Variants in SLC39A11 observed in about 807,000 individuals in gnomAD.
SLC39A11 encodes the protein solute carrier family 39 member 11.
Under a neutral mutation model 36.1 loss-of-function variants are expected in SLC39A11, and 33 were observed. The ratio of observed to expected loss-of-function variants is 0.91; its 90% confidence interval spans 0.69 to 1.22. The LOEUF is 1.22. Among genes scored for constraint, SLC39A11 ranks in the 50% most tolerant of loss-of-function variants. SLC39A11 has a pLI of 0.00. For synonymous variants in SLC39A11, 166 were observed against 170.3 expected, an observed-to-expected ratio of 0.97 and a Z score of 0.20; for missense variants, 432 against 430.3, an observed-to-expected ratio of 1.00 and a Z score of -0.03.
intron 7 of SLC39A11, among the ~76,000 whole-genome samples, chr17:72,718,196 T>C (rs1183799991): frequency 6.6e-6 from 1 of 152,092 alleles, no homozygotes; most frequent in Admixed American, 6.6e-5. Flanking sequence ...GCCTGTAATC[T>C]CAGCATTTGG....
chr17:72,653,057 G>A (rs1017292537), intron 7 of SLC39A11, among the ~76,000 whole-genome samples: 4 of 152,054 alleles, frequency 2.6e-5, no homozygotes, highest in Admixed American at 6.6e-5. Context: ...GGGAGTAGGG[G>A]GCATTCTGAT....
At chr17:72,738,027 C>T (rs558201680) in intron 6 of SLC39A11, among the ~76,000 whole-genome samples, 30 of 152,222 alleles carry the variant, frequency 2.0e-4, no homozygotes, top group African/African-American at 6.3e-4. Context: ...TTATTGAGAA[C>T]GGAGTCTTGC....
chr17:72,924,145 CAA>C (rs1192201974), intron 5 of SLC39A11, among the ~76,000 whole-genome samples: 2 of 69,584 alleles, frequency 2.9e-5, no homozygotes, highest in Admixed American at 1.6e-4. Context: ...GACCCCGTCT[CAA>C]AAAAAAAAAA....
intron 4 of SLC39A11, among the ~76,000 whole-genome samples, chr17:72,972,007 T>A (rs752014513): frequency 2.2e-4 from 34 of 152,316 alleles, no homozygotes; most frequent in Non-Finnish European, 4.3e-4. Context: ...CCTCAATTAA[T>A]ATGAACTGTG....
intron 5 of SLC39A11, among the ~76,000 whole-genome samples, chr17:72,917,775 A>G (rs1217149073): frequency 6.6e-6 from 1 of 152,228 alleles, no homozygotes; most frequent in Non-Finnish European, 1.5e-5. Context: ...CTGAGTTATT[A>G]TCAGTAGGTC....
rs56021607 is a variant in SLC39A11, at chr17:73,062,475, A to AAAAAAAAAAAAAAAAAAAAAAAACAAAAC, written c.147+22332_147+22333insGTTTTGTTTTTTTTTTTTTTTTTTTTTTT. Among the ~76,000 whole-genome samples, 5 of 87,044 alleles carry AAAAAAAAAAAAAAAAAAAAAAAACAAAAC rather than the reference A, an allele frequency of 5.7e-5. 1 individual carries two copies. The highest frequency in any genetic ancestry group is 2.3e-4 in the African/African-American group (5 of 21,920). The allele number at this position is 87,044 out of a possible 152,430, so 57.1% of individuals were successfully genotyped here. A position where few individuals can be genotyped will look rare whatever the true frequency, so the allele number is the denominator to read the frequency against. ...AGAGCTTGTCTCAAAAAAAAAAAAAAAAACTTTAGGTGATACACTTCTGCT... is the reference window on the plus strand; with the variant it reads ...AGAGCTTGTCTCAAAAAAAAAAAAAAAAAAAAAAAAAAAAAAAAAAAAACAAAACAAACTTTAGGTGATACACTTCTGCT... On this transcript the variant is annotated intron_variant, in intron 3 of 9. Transcript: ENST00000255559.
intron 6 of SLC39A11, among the ~76,000 whole-genome samples, chr17:72,840,771 A>G (rs2078769563): frequency 6.6e-6 from 1 of 150,802 alleles, no homozygotes; most frequent in South Asian, 2.1e-4. Flanking sequence ...AAGAAAGAAA[A>G]TTGGCTGGGT....
intron 3 of SLC39A11, among the ~76,000 whole-genome samples, chr17:73,061,863 G>A (rs2059849837): frequency 6.6e-6 from 1 of 152,028 alleles, no homozygotes. Flanking sequence ...GGGTGTAGTG[G>A]CCCAAGCCTG....
intron 6 of SLC39A11, among the ~76,000 whole-genome samples, chr17:72,810,232 A>C (rs2077392292): frequency 6.6e-6 from 1 of 152,184 alleles, no homozygotes; most frequent in Non-Finnish European, 1.5e-5. Context: ...GCTATGACCC[A>C]ACAATTCTAC....
At chr17:73,072,316 A>C (rs2060186957) in intron 3 of SLC39A11, 1 of 152,528 alleles carries the variant, frequency 6.6e-6, no homozygotes. Context: ...TCACGCAGTC[A>C]GAGTATGAAC....
intron 6 of SLC39A11, among the ~76,000 whole-genome samples, chr17:72,843,529 G>C (rs1418682100): frequency 6.6e-6 from 1 of 152,142 alleles, no homozygotes; most frequent in Non-Finnish European, 1.5e-5. Flanking sequence ...ACTCCAGAGA[G>C]TGCCCTCTTT....
chr17:72,807,519 A>G (rs1484602802), intron 6 of SLC39A11, among the ~76,000 whole-genome samples: 1 of 152,204 alleles, frequency 6.6e-6, no homozygotes, highest in Non-Finnish European at 1.5e-5. Context: ...AGAAAGACCA[A>G]GTGATTAGAA....
At chr17:72,809,203 C>T (rs2077358722) in intron 6 of SLC39A11, among the ~76,000 whole-genome samples, 2 of 143,838 alleles carry the variant, frequency 1.4e-5, no homozygotes, top group South Asian at 4.4e-4. Flanking sequence ...TTTTCTTTCT[C>T]TCTCTCTCTC....
rs1288148936 is a variant in SLC39A11, at chr17:72,900,209, GAAA to G, written c.430+47540_430+47542del. Among the ~76,000 whole-genome samples, 9 of 140,908 alleles carry G rather than the reference GAAA, an allele frequency of 6.4e-5. 1 individual carries two copies. Among genetic ancestry groups the G allele is most frequent in the South Asian group, 2.2e-4 (1 of 4,474 alleles). The allele number at this position is 140,908 out of a possible 152,430, so 92.4% of individuals were successfully genotyped here. A position where few individuals can be genotyped will look rare whatever the true frequency, so the allele number is the denominator to read the frequency against. ...AGAAAGAAAGAAAGAAAGAAAGAAA[GAAA>G]GAAAGAAAGAAAGAAAGAAAAAGAC... is the stretch of plus-strand genomic sequence containing the variant. On this transcript the variant is annotated intron_variant, in intron 5 of 9. Coordinates refer to ENST00000255559, the MANE Select transcript of SLC39A11 (RefSeq NM_139177.4).
At position 72,933,342 on chromosome 17, in the gene SLC39A11, A is replaced by G. The variant is rs745591180; in HGVS notation, c.430+14410T>C. On this transcript the variant is annotated intron_variant, in intron 5 of 9. Transcript: ENST00000255559. ...TAAAATAGTACCATAAAACACTTAG[A>G]GGTATAAATCTAACCAACGGTAGAG... 5.8e-4 allele frequency among the ~76,000 whole-genome samples: 89 copies of G among 152,234 alleles called. 1 individual carries two copies. Among genetic ancestry groups the G allele is most frequent in the Non-Finnish European group, 2.1e-4 (14 of 68,048 alleles).
chr17:73,011,069 G>A (rs2090481327), intron 4 of SLC39A11, among the ~76,000 whole-genome samples: 3 of 83,850 alleles, frequency 3.6e-5, no homozygotes, highest in African/African-American at 9.7e-5. Flanking sequence ...CCACCTTCAG[G>A]CCCCCGGTAC....
chr17:72,655,846 C>T (rs1474408662), intron 7 of SLC39A11, among the ~76,000 whole-genome samples: 1 of 152,078 alleles, frequency 6.6e-6, no homozygotes, highest in Non-Finnish European at 1.5e-5. Context: ...GATAGTCTCT[C>T]AGTGGTAGGG....
intron 7 of SLC39A11, among the ~76,000 whole-genome samples, chr17:72,689,554 A>G (rs892389761): frequency 6.6e-6 from 1 of 152,252 alleles, no homozygotes; most frequent in Non-Finnish European, 1.5e-5. Context: ...ATTGTCCATG[A>G]GCCTATGGAG....
At chr17:72,878,458 G>A (rs2146503172) in intron 5 of SLC39A11, among the ~76,000 whole-genome samples, 1 of 152,254 alleles carries the variant, frequency 6.6e-6, no homozygotes, top group Non-Finnish European at 1.5e-5. Context: ...TCCAACCTCT[G>A]GGCTTCTGTT....
Sources: allele counts gnomAD v4.1 joint callset (sites outside exome capture counted in the v4.1 genomes callset), GRCh38; gene constraint gnomAD v4.1.1; transcripts MANE v1.5; gene names NCBI Gene and HGNC (gene_info 2026-07-23, HGNC 2026-07-21).